The following RHOJ variants were observed in gnomAD, a reference collection of about 807,000 sequenced individuals.
RHOJ encodes ras homolog family member J.
A neutral mutation model predicts 23.4 loss-of-function variants in RHOJ; 11 were observed. That is an observed-to-expected ratio of 0.47 (90% CI 0.30 to 0.78). The LOEUF (loss-of-function observed/expected upper bound fraction) is 0.78, where lower values mean the gene tolerates loss of function less well. RHOJ is among the 30% of genes least tolerant of loss of function. RHOJ has a pLI of 0.08. For missense variants in RHOJ, 254 were observed against 273.4 expected, an observed-to-expected ratio of 0.93 and a Z score of 0.50; for synonymous variants, 102 against 102.7, an observed-to-expected ratio of 0.99 and a Z score of 0.04.
intron 4 of RHOJ, among the ~76,000 whole-genome samples, chr14:63,285,047 T>C (rs2139667464): frequency 6.6e-6 from 1 of 152,358 alleles, no homozygotes; most frequent in East Asian, 1.9e-4. Flanking sequence ...ACAATTCATG[T>C]AATTATAGAG....
At chr14:63,268,536 A>G (rs941894953) in intron 1 of RHOJ, among the ~76,000 whole-genome samples, 1 of 152,256 alleles carries the variant, frequency 6.6e-6, no homozygotes, top group South Asian at 2.1e-4. Context: ...GCACAGGAAT[A>G]TCTAATTTTA....
intron 4 of RHOJ, among the ~76,000 whole-genome samples, chr14:63,290,097 A>G (rs1272650465): frequency 6.6e-6 from 1 of 151,886 alleles, no homozygotes; most frequent in Non-Finnish European, 1.5e-5. Context: ...ACAAAAACTA[A>G]CCCGGCTTGG....
At chr14:63,254,921 T>A (rs1352853917) in intron 1 of RHOJ, among the ~76,000 whole-genome samples, 1 of 152,172 alleles carries the variant, frequency 6.6e-6, no homozygotes, top group Non-Finnish European at 1.5e-5. Context: ...TCCAAGCTGC[T>A]GGGTACAATC....
intron 1 of RHOJ, among the ~76,000 whole-genome samples, chr14:63,222,695 G>A (rs1894520375): frequency 6.6e-6 from 1 of 152,068 alleles, no homozygotes; most frequent in Admixed American, 6.5e-5. Context: ...CTGTAAATTT[G>A]TTTGAGTTCT....
intron 1 of RHOJ, among the ~76,000 whole-genome samples, chr14:63,217,416 C>A (rs1322514736): frequency 6.6e-6 from 1 of 151,976 alleles, no homozygotes; most frequent in Non-Finnish European, 1.5e-5. Context: ...AGGACATAAA[C>A]CTGAGAAAAA....
chr14:63,269,296 T>G (rs1895423971), intron 2 of RHOJ, 128 bp downstream of exon 2: 1 of 613,028 alleles, frequency 1.6e-6, no homozygotes, highest in Admixed American at 2.8e-5. Flanking sequence ...CAATTTATTG[T>G]CTGCCTAAAT....
rs1271909301 is a variant in RHOJ at position 63,267,055 on chromosome 14, T to A, written c.179-2055T>A. On this transcript the variant is annotated intron_variant, in intron 1 of 4. Coordinates refer to ENST00000316754, the MANE Select transcript of RHOJ (RefSeq NM_020663.5). ...GGAAACCACTTGTCTCCATGCTCCA[T>A]GGCAGGAAGAATTGAATCTGGTCTT... Among the ~76,000 whole-genome samples the A allele has an allele frequency of 2.0e-5, 3 of 152,306 alleles. No individual in the cohort carries two copies. The East Asian group carries it at 5.8e-4, about 29-fold the overall frequency.
At chr14:63,256,931 G>A (rs892035665) in intron 1 of RHOJ, among the ~76,000 whole-genome samples, 1 of 152,090 alleles carries the variant, frequency 6.6e-6, no homozygotes, top group African/African-American at 2.4e-5. Context: ...AATTAGCCAG[G>A]CATGGTGGCA....
At chr14:63,217,667 A>C (rs573813109) in intron 1 of RHOJ, among the ~76,000 whole-genome samples, 1 of 152,332 alleles carries the variant, frequency 6.6e-6, no homozygotes, top group South Asian at 2.1e-4. Flanking sequence ...AAGCAATGCC[A>C]ACAAAAGACA....
chr14:63,287,945 A>G (rs1882132024), intron 4 of RHOJ, among the ~76,000 whole-genome samples: 1 of 152,140 alleles, frequency 6.6e-6, no homozygotes, highest in Non-Finnish European at 1.5e-5. Context: ...ATCTTTGAGG[A>G]CACAGATCAT....
chr14:63,234,577 G>C (rs1292378337), intron 1 of RHOJ, among the ~76,000 whole-genome samples: 1 of 152,164 alleles, frequency 6.6e-6, no homozygotes, highest in Non-Finnish European at 1.5e-5. Flanking sequence ...ATGCCATTTT[G>C]TGGTTGTTCA....
intron 1 of RHOJ, among the ~76,000 whole-genome samples, chr14:63,215,612 C>T (rs11624240): frequency 0.5 from 75,401 of 151,466 alleles, 20,907 homozygotes; most frequent in South Asian, 0.77. Context: ...ACAAGAAAAC[C>T]GAAGCTCAGA....
rs189611988 is a variant in RHOJ at position 63,256,080 on chromosome 14, G to T, written c.179-13030G>T. Among the ~76,000 whole-genome samples the T allele has an allele frequency of 2.6e-5, 4 of 152,096 alleles. No individual in the cohort carries two copies. The East Asian group carries it at 7.8e-4, about 30-fold the overall frequency. ...TGCTTGTTTTTTTGGTAGAGACAAG[G>T]TCTTGCTAGTTGCCCAGGCTCTTCT... On this transcript the variant is annotated intron_variant, in intron 1 of 4. Coordinates refer to ENST00000316754, the MANE Select transcript of RHOJ (RefSeq NM_020663.5).
intron 2 of RHOJ, 82 bp from the exon 3 acceptor site, chr14:63,280,889 C>A: frequency 7.3e-7 from 1 of 1,371,070 alleles, no homozygotes; most frequent in Non-Finnish European, 9.9e-7. Flanking sequence ...CTGTAGTGGA[C>A]TCTTACCTGA....
chr14:63,265,591 A>C (rs1019858959), intron 1 of RHOJ, among the ~76,000 whole-genome samples: 1 of 152,244 alleles, frequency 6.6e-6, no homozygotes, highest in Non-Finnish European at 1.5e-5. Flanking sequence ...TAAAAAGTCA[A>C]ACTTTGTAAA....
At position 63,267,284 on chromosome 14, in the gene RHOJ, G is replaced by A. The variant is rs770525955; in HGVS notation, c.179-1826G>A. 3.3e-5 allele frequency among the ~76,000 whole-genome samples: 5 copies of A among 152,214 alleles called. No individual in the cohort carries two copies. In the East Asian group the frequency reaches 9.6e-4, roughly 29 times the overall value. The stretch of plus-strand genomic sequence containing the variant: ...CGAGGAAAAACAGACTGGAGAGAAT[G>A]ACTGAGAAAGCAAGGACTATCTGAA... On this transcript the variant is annotated intron_variant, in intron 1 of 4. Transcript: ENST00000316754.
intron 1 of RHOJ, among the ~76,000 whole-genome samples, chr14:63,253,573 A>G (rs1216562534): frequency 1.3e-5 from 2 of 152,004 alleles, no homozygotes; most frequent in African/African-American, 4.8e-5. Context: ...ATTTTCTTGT[A>G]TTCATCTAGG....
rs754791102 is a variant in RHOJ, at chr14:63,283,219, ACAGT to A, written c.498+7_498+10del. The A allele has an allele frequency of 1.2e-5, 19 of 1,608,756 alleles. No individual in the cohort carries two copies. Among genetic ancestry groups the A allele is most frequent in the Non-Finnish European group, 1.6e-5 (19 of 1,175,290 alleles). On this transcript the variant is annotated splice_donor_5th_base_variant and intron_variant, in intron 4 of 4. Transcript: ENST00000316754. Reference sequence around the variant, plus strand: ...ATGGTGTGAAGCTCGCAAAAGCGGTACAGTCAGATTTGAATTTCATTTTAAATGT... The same window carrying A: ...ATGGTGTGAAGCTCGCAAAAGCGGTACAGATTTGAATTTCATTTTAAATGT...
At chr14:63,287,597 C>T (rs925366578) in intron 4 of RHOJ, among the ~76,000 whole-genome samples, 7 of 147,258 alleles carry the variant, frequency 4.8e-5, no homozygotes, top group South Asian at 2.1e-4. Context: ...TTAGTCATTA[C>T]GGTTTTTTTT....
Sources: allele counts gnomAD v4.1 joint callset (sites outside exome capture counted in the v4.1 genomes callset), GRCh38; gene constraint gnomAD v4.1.1; transcripts MANE v1.5; gene names NCBI Gene and HGNC (gene_info 2026-07-23, HGNC 2026-07-21).